Variants in RBFOX3 observed in about 807,000 individuals in gnomAD.
The protein encoded by RBFOX3 is RNA binding protein fox-1 homolog 3.
RBFOX3 carries 17 observed loss-of-function variants against 48.7 expected under a neutral mutation model. That is an observed-to-expected ratio of 0.35 (90% CI 0.24 to 0.52). The LOEUF is 0.52. Ranked by LOEUF, RBFOX3 falls within the 20% of genes least tolerant of loss-of-function variation. RBFOX3 has a pLI of 0.94. For synonymous variants in RBFOX3, 212 were observed against 209.5 expected, an observed-to-expected ratio of 1.01 and a Z score of -0.10; for missense variants, 382 against 497.5, an observed-to-expected ratio of 0.77 and a Z score of 2.21.
At chr17:79,251,130 C>T (rs2063890649) in intron 3 of RBFOX3, among the ~76,000 whole-genome samples, 1 of 152,094 alleles carries the variant, frequency 6.6e-6, no homozygotes, top group African/African-American at 2.4e-5. Context: ...TGAGCTCAGC[C>T]TCCTCAGCAG....
At chr17:79,275,124 C>CTCTCTCTCTCTCTG (rs1491448691) in intron 3 of RBFOX3, among the ~76,000 whole-genome samples, 1 of 45,288 alleles carries the variant, frequency 2.2e-5, no homozygotes, top group Non-Finnish European at 4.4e-5. Context: ...CCATGTCTCC[C>CTCTCTCTCTCTCTG]TCTCTCTCTC....
chr17:79,183,636 G>T (rs771290268), intron 4 of RBFOX3, among the ~76,000 whole-genome samples: 1 of 152,184 alleles, frequency 6.6e-6, no homozygotes, highest in Non-Finnish European at 1.5e-5. Flanking sequence ...TCGGGCGAGC[G>T]GGCGAGAGCA....
chr17:79,609,334 C>T (rs2093915765), intron 1 of RBFOX3, among the ~76,000 whole-genome samples: 5 of 152,116 alleles, frequency 3.3e-5, no homozygotes. Context: ...CCCAAGGCGT[C>T]CCCGAGTCCA....
intron 4 of RBFOX3, among the ~76,000 whole-genome samples, chr17:79,159,303 C>A (rs992948474): frequency 3.3e-5 from 5 of 152,166 alleles, no homozygotes; most frequent in Admixed American, 2.6e-4. Flanking sequence ...GTAGAGCTGG[C>A]CCGGGCGGTT....
At chr17:79,575,602 A>G (rs1308102470) in intron 1 of RBFOX3, among the ~76,000 whole-genome samples, 1 of 152,212 alleles carries the variant, frequency 6.6e-6, no homozygotes, top group Non-Finnish European at 1.5e-5. Context: ...AAGAAGAAGG[A>G]AGACAGTCGT....
chr17:79,643,135 T>C, the RBFOX3 span, among the ~76,000 whole-genome samples: 4 of 152,140 alleles, frequency 2.6e-5, no homozygotes, highest in African/African-American at 9.7e-5. Flanking sequence ...GATACCATGC[T>C]AACAATAAGC....
intron 3 of RBFOX3, among the ~76,000 whole-genome samples, chr17:79,245,688 C>T (rs945835280): frequency 4.9e-5 from 7 of 144,176 alleles, no homozygotes; most frequent in African/African-American, 1.0e-4. Flanking sequence ...AGTGCAGTGG[C>T]GTGATCTCAG....
intron 3 of RBFOX3, among the ~76,000 whole-genome samples, chr17:79,280,344 C>A (rs1329453190): frequency 6.6e-6 from 1 of 152,072 alleles, no homozygotes; most frequent in Non-Finnish European, 1.5e-5. Flanking sequence ...ACCATCAATG[C>A]GACAAAAAGA....
chr17:79,482,846 G>T lies in RBFOX3; in HGVS notation c.-319-248C>A, dbSNP rs376718769. Among the ~76,000 whole-genome samples the T allele has an allele frequency of 6.6e-6, 1 of 151,884 alleles. No individual in the cohort carries two copies. The highest frequency in any genetic ancestry group is 2.4e-5 in the African/African-American group (1 of 41,288). ...AGGACCCTATTGCCAAACAGCCACC[G>T]TGCAGTCCATCCCAGGGTCCGCCCC... On this transcript the variant is annotated intron_variant, in intron 1 of 14. Transcript: ENST00000693108. This position sits in a 1 kb window ranked among gnomAD's most constrained non-coding sequence, Gnocchi z 4.1.
intron 1 of RBFOX3, among the ~76,000 whole-genome samples, chr17:79,579,515 G>T (rs2144757343): frequency 6.6e-6 from 1 of 152,314 alleles, no homozygotes; most frequent in African/African-American, 2.4e-5. Flanking sequence ...AGAGGGGTCG[G>T]CAATGCTGAG....
Position 79,133,272 on chromosome 17 carries a change from CTGGGCCCAGCCTTGTCCATCCA to C in RBFOX3, c.-33-17546_-33-17525del, listed in dbSNP as rs1289138613. ...CAGAGGAGCGGGTCCCTGAGGAGGC[CTGGGCCCAGCCTTGTCCATCCA>C]TGGTCACTACCAGCTCCTAGCAGAG... On this transcript the variant is annotated intron_variant, in intron 4 of 14. Coordinates refer to ENST00000693108, the MANE Select transcript of RBFOX3 (RefSeq NM_001350451.2). Among the ~76,000 whole-genome samples, 5 of 152,290 alleles carry C rather than the reference CTGGGCCCAGCCTTGTCCATCCA, an allele frequency of 3.3e-5. No individual in the cohort carries two copies. In the South Asian group the frequency reaches 1.0e-3, roughly 32 times the overall value.
intron 1 of RBFOX3, among the ~76,000 whole-genome samples, chr17:79,530,887 T>C (rs2087643004): frequency 6.6e-6 from 1 of 152,314 alleles, no homozygotes; most frequent in Admixed American, 6.5e-5. Flanking sequence ...GTAACTCACG[T>C]TGTAAATATT....
intron 4 of RBFOX3, among the ~76,000 whole-genome samples, chr17:79,167,082 G>A (rs2048156227): frequency 2.0e-5 from 3 of 152,170 alleles, no homozygotes; most frequent in Admixed American, 2.0e-4. Context: ...CGACAGACGC[G>A]CTCACAAGGG....
chr17:79,451,521 A>T (rs990586459), intron 2 of RBFOX3, among the ~76,000 whole-genome samples: 2 of 152,218 alleles, frequency 1.3e-5, no homozygotes, highest in African/African-American at 4.8e-5. Flanking sequence ...TTCAGCCTGA[A>T]TCAGGGGGTG....
At chr17:79,127,493 ATTTTC>A (rs751033011) in intron 4 of RBFOX3, among the ~76,000 whole-genome samples, 8 of 152,034 alleles carry the variant, frequency 5.3e-5, no homozygotes, top group Non-Finnish European at 8.8e-5. Context: ...TGATGCTCCT[ATTTTC>A]TTTTCTTTTT....
At chr17:79,641,781 T>C in the RBFOX3 span, among the ~76,000 whole-genome samples, 1 of 152,206 alleles carries the variant, frequency 6.6e-6, no homozygotes, top group Non-Finnish European at 1.5e-5. Context: ...GGGAGGTTTC[T>C]CATGTTTTAA....
rs2076806781 is a variant in RBFOX3, at chr17:79,469,614, G to A, written c.-175+12840C>T. Among the ~76,000 whole-genome samples, 3 of 152,212 alleles carry A rather than the reference G, an allele frequency of 2.0e-5. No individual in the cohort carries two copies. The South Asian group carries it at 6.2e-4, about 32-fold the overall frequency. ...ACCCTTTAGGTGCCACAATGAGCCT[G>A]CCAGACCAGACTCCCTCCCTCCACC... is the stretch of plus-strand genomic sequence containing the variant. On this transcript the variant is annotated intron_variant, in intron 2 of 14. Transcript: ENST00000693108.
chr17:79,441,635 C>T (rs1370130733), intron 2 of RBFOX3, among the ~76,000 whole-genome samples: 5 of 148,776 alleles, frequency 3.4e-5, no homozygotes, highest in African/African-American at 1.2e-4. Context: ...GGACTTCCAA[C>T]CTCCAGAATG....
At chr17:79,592,228 G>A (rs1353621147) in intron 1 of RBFOX3, among the ~76,000 whole-genome samples, 17 of 148,772 alleles carry the variant, frequency 1.1e-4, no homozygotes, top group African/African-American at 4.3e-4. Context: ...TGTGGGGTGT[G>A]GAGTATTGTC....
Sources: gnomAD v4.1 joint callset for allele counts (sites outside exome capture counted in the v4.1 genomes callset) on GRCh38, gnomAD v4.1.1 for gene constraint, Gnocchi (gnomAD v3.1) non-coding constraint, MANE v1.5 for transcripts, NCBI Gene and HGNC (gene_info 2026-07-23, HGNC 2026-07-21) for gene names.